Variants in TUBGCP3 observed in about 807,000 individuals in gnomAD.
The protein encoded by TUBGCP3 is tubulin gamma complex component 3, also known as gamma-tubulin complex component 3.
A neutral mutation model predicts 123.1 loss-of-function variants in TUBGCP3; 50 were observed. The ratio of observed to expected loss-of-function variants is 0.41; its 90% CI spans 0.32 to 0.51. TUBGCP3 has a LOEUF of 0.51. Ranked by LOEUF, TUBGCP3 falls within the 20% of genes least tolerant of loss-of-function variation. The pLI, the probability that TUBGCP3 is intolerant of heterozygous loss-of-function variation, is 0.36. For synonymous variants in TUBGCP3, 405 were observed against 413.9 expected (o/e 0.98, Z 0.26); for missense variants, 882 against 1,127.0 (o/e 0.78, Z 3.11).
At chr13:112,574,294 A>G (rs1249688433) in intron 1 of TUBGCP3, among the ~76,000 whole-genome samples, 1 of 147,244 alleles carries the variant, frequency 6.8e-6, no homozygotes, top group Non-Finnish European at 1.5e-5. Context: ...ATCCACAGAG[A>G]ATCTTCAAGT....
At position 112,544,272 on chromosome 13, in the gene TUBGCP3, T is replaced by C. The variant is rs549552357; in HGVS notation, c.1335+1427A>G. 2.0e-5 allele frequency among the ~76,000 whole-genome samples: 3 copies of C among 151,950 alleles called. No homozygotes were observed. The South Asian group carries it at 6.2e-4, about 32-fold the overall frequency. ...ATCGAGACCATCCTGGCTAACACAG[T>C]GAAACCCCGTCTCTACTAAAAATAC... is the stretch of plus-strand genomic sequence containing the variant. On this transcript the variant is annotated intron_variant, in intron 11 of 21. Transcript: ENST00000261965.
intron 4 of TUBGCP3, 149 bp downstream of exon 4, chr13:112,559,173 A>G (rs1880294908): frequency 1.6e-6 from 1 of 620,712 alleles, no homozygotes; most frequent in Non-Finnish European, 2.6e-6. Flanking sequence ...GTCCTTAAAA[A>G]GAAAAAGGAA....
the TUBGCP3 span, among the ~76,000 whole-genome samples, chr13:112,598,910 C>T: frequency 7.0e-6 from 1 of 143,278 alleles, no homozygotes; most frequent in African/African-American, 2.6e-5. Context: ...CGCACCACTG[C>T]ACTCTAGCCT....
intron 17 of TUBGCP3, among the ~76,000 whole-genome samples, chr13:112,506,367 A>G (rs1468187128): frequency 6.6e-6 from 1 of 152,224 alleles, no homozygotes; most frequent in Non-Finnish European, 1.5e-5. Context: ...GATGTATCAG[A>G]GGCATATCTA....
At chr13:112,532,354 T>C (rs909340981) in intron 11 of TUBGCP3, among the ~76,000 whole-genome samples, 9 of 152,262 alleles carry the variant, frequency 5.9e-5, no homozygotes, top group Admixed American at 4.6e-4. Context: ...TTCTATCTTA[T>C]CCATACTTTG....
chr13:112,559,308 G>A lies in TUBGCP3; in HGVS notation c.330+14C>T. ...TCCCGACGGACACGACGCTGCAAAG[G>A]CAAAGCCACTTACCTTGCTTGGCTG... On this transcript the variant is annotated intron_variant, in intron 4 of 21. Transcript: ENST00000261965. 2.5e-6 allele frequency: 4 copies of A among 1,608,500 alleles called. No individual in the cohort carries two copies. Among genetic ancestry groups the A allele is most frequent in the Non-Finnish European group, 3.4e-6 (4 of 1,177,628 alleles).
chr13:112,566,152 G>A (rs1170843452), intron 2 of TUBGCP3, among the ~76,000 whole-genome samples: 7 of 152,312 alleles, frequency 4.6e-5, no homozygotes, highest in Non-Finnish European at 8.8e-5. Context: ...TTCCATGAAG[G>A]AGGAGAAGCT....
intron 17 of TUBGCP3, among the ~76,000 whole-genome samples, chr13:112,507,773 T>G (rs1881402292): frequency 6.6e-6 from 1 of 152,200 alleles, no homozygotes; most frequent in Non-Finnish European, 1.5e-5. Flanking sequence ...TACTTTTCAC[T>G]GTTGCGCTAT....
chr13:112,528,553 TATTC>T (rs1877317043), intron 11 of TUBGCP3, among the ~76,000 whole-genome samples: 1 of 152,258 alleles, frequency 6.6e-6, no homozygotes, highest in Non-Finnish European at 1.5e-5. Context: ...CCCATCTTGC[TATTC>T]ATTTTGTTCT....
chr13:112,504,518 A>G (rs903229133), intron 18 of TUBGCP3, 108 bp downstream of exon 18: 12 of 750,302 alleles, frequency 1.6e-5, no homozygotes, highest in Non-Finnish European at 2.4e-5. Flanking sequence ...TTATGTATAT[A>G]TACACATATA....
the TUBGCP3 span, among the ~76,000 whole-genome samples, chr13:112,593,593 A>G: frequency 6.6e-6 from 1 of 152,118 alleles, no homozygotes; most frequent in Non-Finnish European, 1.5e-5. Flanking sequence ...GAATCCTTTG[A>G]AACTAGTAGG....
chr13:112,553,485 C>T (rs1025799687), intron 8 of TUBGCP3, among the ~76,000 whole-genome samples: 2 of 152,262 alleles, frequency 1.3e-5, no homozygotes, highest in South Asian at 2.1e-4. Context: ...GGAGATGCCA[C>T]GGCTCCTATT....
the TUBGCP3 span, among the ~76,000 whole-genome samples, chr13:112,602,080 G>T: frequency 1.3e-5 from 2 of 152,194 alleles, no homozygotes; most frequent in African/African-American, 2.4e-5. Context: ...GTGGTGAGTA[G>T]CCTGCCCAAG....
rs1304239013 is a variant in TUBGCP3 at position 112,565,190 on chromosome 13, G to A, written c.185-12C>T. ...TCGTTGTCGAATAACTGAAAAGACAGAAAAAAAATAAGTGTGGTAACTACA... is the reference window on the plus strand; with the variant it reads ...TCGTTGTCGAATAACTGAAAAGACAAAAAAAAAATAAGTGTGGTAACTACA... On this transcript the variant is annotated splice_polypyrimidine_tract_variant and intron_variant, in intron 2 of 21. Transcript: ENST00000261965. 6.2e-7 allele frequency: 1 copy of A among 1,603,258 alleles called. No individual in the cohort carries two copies. The highest frequency in any genetic ancestry group is 8.5e-7 in the Non-Finnish European group (1 of 1,175,162).
chr13:112,559,897 G>C (rs1203218374), intron 3 of TUBGCP3, among the ~76,000 whole-genome samples: 2 of 152,188 alleles, frequency 1.3e-5, no homozygotes, highest in Non-Finnish European at 2.9e-5. Context: ...CACTTTGGAA[G>C]GCCAAAGCAG....
At chr13:112,521,844 GAGA>G (rs1226634917) in intron 14 of TUBGCP3, 7 of 985,308 alleles carry the variant, frequency 7.1e-6, no homozygotes, top group African/African-American at 1.7e-5. Context: ...AGAACTTGTG[GAGA>G]AGGACATACA....
intron 1 of TUBGCP3, among the ~76,000 whole-genome samples, chr13:112,585,902 G>A (rs1045779324): frequency 5.9e-5 from 9 of 151,776 alleles, no homozygotes; most frequent in Non-Finnish European, 1.0e-4. Context: ...CAGTCTCTTA[G>A]AAGGGACAAA....
At chr13:112,567,888 C>T (rs1881079130) in intron 2 of TUBGCP3, among the ~76,000 whole-genome samples, 1 of 152,260 alleles carries the variant, frequency 6.6e-6, no homozygotes, top group Admixed American at 6.5e-5. Context: ...GGTGTTATCA[C>T]TAAGACCCAA....
intron 11 of TUBGCP3, among the ~76,000 whole-genome samples, chr13:112,529,553 G>A (rs1284245381): frequency 6.6e-6 from 1 of 152,112 alleles, no homozygotes; most frequent in East Asian, 1.9e-4. Flanking sequence ...TGGGGAGGGG[G>A]AGCCTCTTCA....
Sources: allele counts gnomAD v4.1 joint callset (sites outside exome capture counted in the v4.1 genomes callset), GRCh38; gene constraint gnomAD v4.1.1; transcripts MANE v1.5; gene names NCBI Gene and HGNC (gene_info 2026-07-23, HGNC 2026-07-21).